The following WTIP variants were observed in gnomAD, a reference collection of about 807,000 sequenced individuals.
WTIP encodes WT1 interacting protein.
Under a neutral mutation model 41.7 loss-of-function variants are expected in WTIP, and 23 were observed. That is an observed-to-expected ratio of 0.55 (90% CI 0.40 to 0.78). The LOEUF is 0.78. WTIP is among the 30% of genes least tolerant of loss of function. The pLI, the probability that WTIP is intolerant of heterozygous loss-of-function variation, is 0.00. For missense variants in WTIP, 619 were observed against 610.5 expected (o/e 1.01, Z -0.15); for synonymous variants, 314 against 269.9 (o/e 1.16, Z -1.60).
Position 34,493,099 on chromosome 19 carries a change from T to C in WTIP, c.832T>C (p.Phe278Leu). The C allele has an allele frequency of 1.2e-6, 2 of 1,613,882 alleles. No individual in the cohort carries two copies. The highest frequency in any genetic ancestry group is 1.7e-6 in the Non-Finnish European group (2 of 1,179,850). ...VGEKVYCQED[F>L]LYSGFQQTAD... ...TGAGAAAGTGTACTGCCAGGAGGAC[T>C]TCCTGGTGAGTCCAAGCTGTGCCCT... is the stretch of plus-strand genomic sequence containing the variant. Residue 278 changes from phenylalanine (F) to leucine (L), a missense_variant, in exon 3 of 8, where the codon TTC (phenylalanine) becomes CTC (leucine). This residue lies in a region of WTIP where 164 missense variants were observed against 219.1 expected (regional missense o/e 0.75). Transcript: ENST00000590071. The surrounding 1 kb of genome is among the most constrained non-coding windows in gnomAD (Gnocchi z 4.1).
chr19:34,482,024 G>C lies in WTIP; in HGVS notation c.50G>C (p.Gly17Ala). ...GACGAGGCGGCCCTACTCCTGGCCGGGCTGGCCCTGCGGGAGCTGGAGCCC... is the reference window on the plus strand; with the variant it reads ...GACGAGGCGGCCCTACTCCTGGCCGCGCTGGCCCTGCGGGAGCTGGAGCCC... ...GADEAALLLA[G>A]LALRELEPGC... Residue 17 changes from glycine (G) to alanine (A), a missense_variant, in exon 1 of 8, where the codon GGG becomes GCG. Physicochemically the swap from Gly to Ala is moderately conservative, Grantham distance 60. Transcript: ENST00000590071. 9.8e-7 allele frequency: 1 copy of C among 1,025,354 alleles called. No individual in the cohort carries two copies. The highest frequency in any genetic ancestry group is 1.2e-6 in the Non-Finnish European group (1 of 857,198). 63.5% of individuals were successfully genotyped at this position (1,025,354 alleles called of 1,614,324 possible).
At position 34,507,954 on chromosome 19, in the gene WTIP, G is replaced by C. The variant is rs1037803078; in HGVS notation, c.*7685G>C. On this transcript the variant is annotated 3_prime_UTR_variant, in exon 8 of 8. Coordinates refer to ENST00000590071, the MANE Select transcript of WTIP (RefSeq NM_001080436.2). ...TTCCCTGTCCTGACTCCACCTTGGA[G>C]CACCTTCCCTTGAGACCCACCAGGC... The C allele has an allele frequency of 1.3e-5, 2 of 152,248 alleles. No homozygotes were observed. The highest frequency in any genetic ancestry group is 4.8e-5 in the African/African-American group (2 of 41,450). 9.4% of individuals were successfully genotyped at this position (152,248 alleles called of 1,614,324 possible). A position where few individuals can be genotyped will look rare whatever the true frequency, so the allele number is the denominator to read the frequency against.
chr19:34,502,587 T>C lies in WTIP; in HGVS notation c.*2318T>C, dbSNP rs1408106619. On this transcript the variant is annotated 3_prime_UTR_variant, in exon 8 of 8. Coordinates refer to ENST00000590071, the MANE Select transcript of WTIP (RefSeq NM_001080436.2). ...AGTGTGCGCCACCAGGCCTGGCTAA[T>C]TTTTGTATTTTTAGTAGAGTCGGGG... 5.3e-5 allele frequency: 8 copies of C among 151,986 alleles called. No homozygotes were observed. Among genetic ancestry groups the C allele is most frequent in the African/African-American group, 1.9e-4 (8 of 41,362 alleles). The allele number at this position is 151,986 out of a possible 1,614,324, so 9.4% of individuals were successfully genotyped here. A position where few individuals can be genotyped will look rare whatever the true frequency, so the allele number is the denominator to read the frequency against.
chr19:34,490,678 C>G (rs187980689), intron 2 of WTIP, among the ~76,000 whole-genome samples: 2 of 152,222 alleles, frequency 1.3e-5, no homozygotes, highest in African/African-American at 2.4e-5. Flanking sequence ...GGGCTGCCCC[C>G]TGGTCGTCAG....
At position 34,493,332 on chromosome 19, in the gene WTIP, C is replaced by T. The variant is rs770741539; in HGVS notation, c.900+7C>T. ...ACATCTCATCATGGAAATGGTGAGCCCCTGCCCCAGCCTCCTGGAGCCCCT... is the reference window on the plus strand; with the variant it reads ...ACATCTCATCATGGAAATGGTGAGCTCCTGCCCCAGCCTCCTGGAGCCCCT... On this transcript the variant is annotated splice_region_variant and intron_variant, in intron 4 of 7. Coordinates refer to ENST00000590071, the MANE Select transcript of WTIP (RefSeq NM_001080436.2). The surrounding 1 kb of genome is among the most constrained non-coding windows in gnomAD (Gnocchi z 4.1). The T allele has an allele frequency of 1.9e-6, 3 of 1,611,862 alleles. No homozygotes were observed. The highest frequency in any genetic ancestry group is 2.5e-6 in the Non-Finnish European group (3 of 1,179,222).
chr19:34,500,162 C>G lies in WTIP; in HGVS notation c.1186C>G (p.Arg396Gly). The change falls in exon 8 of 8, where the codon CGC (arginine) becomes GGC (glycine). Residue 396 changes from arginine (R) to glycine (G), a missense_variant. Physicochemically the swap from Arg to Gly is moderately radical, Grantham distance 125. Coordinates refer to ENST00000590071, the MANE Select transcript of WTIP (RefSeq NM_001080436.2). ...CGLQLSGEEG[R>G]RCYPLAGHLL... ...GCTGCAGCTGAGCGGGGAGGAGGGA[C>G]GCCGTTGCTATCCCCTGGCGGGCCA... 1 of 1,601,508 alleles carries G rather than the reference C, an allele frequency of 6.2e-7. No individual in the cohort carries two copies. The highest frequency in any genetic ancestry group is 8.5e-7 in the Non-Finnish European group (1 of 1,179,752).
rs2075917452 is a variant in WTIP at position 34,507,520 on chromosome 19, C to T, written c.*7251C>T. On this transcript the variant is annotated 3_prime_UTR_variant, in exon 8 of 8. Transcript: ENST00000590071. Reference sequence around the variant, plus strand: ...CCTGAGGGTCTGCCCGGTCACATCCCCTTGTCTTCTCTAGGGTTCACGGGG... The same window carrying T: ...CCTGAGGGTCTGCCCGGTCACATCCTCTTGTCTTCTCTAGGGTTCACGGGG... 1 of 152,112 alleles carries T rather than the reference C, an allele frequency of 6.6e-6. No individual in the cohort carries two copies. The highest frequency in any genetic ancestry group is 1.5e-5 in the Non-Finnish European group (1 of 68,042). The allele number at this position is 152,112 out of a possible 1,614,324, so 9.4% of individuals were successfully genotyped here.
intron 2 of WTIP, among the ~76,000 whole-genome samples, chr19:34,492,595 AG>A (rs1323030665): frequency 6.6e-6 from 1 of 151,234 alleles, no homozygotes; most frequent in Non-Finnish European, 1.5e-5. Flanking sequence ...AGGGTGAGGC[AG>A]GAGAATCGCT....
chr19:34,500,440 C>A lies in WTIP; in HGVS notation c.*171C>A. On this transcript the variant is annotated 3_prime_UTR_variant, in exon 8 of 8. Coordinates refer to ENST00000590071, the MANE Select transcript of WTIP (RefSeq NM_001080436.2). The stretch of plus-strand genomic sequence containing the variant: ...AGCTTCTATTTATTCACCGTCTGTG[C>A]CTGCTCAAGTCACTTCCCTGCGGGC... 2 of 972,570 alleles carry A rather than the reference C, an allele frequency of 2.1e-6. No individual in the cohort carries two copies. Among genetic ancestry groups the A allele is most frequent in the Middle Eastern group, 3.4e-4 (1 of 2,944 alleles). 60.2% of individuals were successfully genotyped at this position (972,570 alleles called of 1,614,324 possible). A position where few individuals can be genotyped will look rare whatever the true frequency, so the allele number is the denominator to read the frequency against.
At position 34,482,628 on chromosome 19, in the gene WTIP, G is replaced by T. The variant is rs549039117; in HGVS notation, c.654G>T (p.Ala218=). The change falls in exon 1 of 8, where the codon GCG becomes GCT. Residue 218 remains alanine, a synonymous_variant. Transcript: ENST00000590071. ...AGCGGGCGCTCGAGGCGCGCACGGC[G>T]CGGGACTACTTCGGTGAGCTCGCTC... ...ELERALEART[A]RDYFGICIKC... 17 of 1,229,308 alleles carry T rather than the reference G, an allele frequency of 1.4e-5. No homozygotes were observed. In the South Asian group the frequency reaches 6.5e-4, roughly 47 times the overall value. The allele number at this position is 1,229,308 out of a possible 1,614,324, so 76.2% of individuals were successfully genotyped here.
chr19:34,500,257 C>A lies in WTIP; in HGVS notation c.1281C>A (p.Val427=), dbSNP rs548503172. 5 of 1,608,064 alleles carry A rather than the reference C, an allele frequency of 3.1e-6. No individual in the cohort carries two copies. Among genetic ancestry groups the A allele is most frequent in the Non-Finnish European group, 4.2e-6 (5 of 1,179,202 alleles). The change falls in exon 8 of 8, where the codon GTC becomes GTA. Residue 427 remains valine, a synonymous_variant. Transcript: ENST00000590071. ...CTCTTCCCTCACCCACTGTGCACGT[C>A]ACTGAGCTCTGAGCAGGGGAAAACC... is the stretch of plus-strand genomic sequence containing the variant. ...PGPLPSPTVH[V]TEL
intron 2 of WTIP, 109 bp downstream of exon 2, chr19:34,490,586 C>CAGA: frequency 8.7e-7 from 1 of 1,143,692 alleles, no homozygotes; most frequent in South Asian, 1.4e-5. Context: ...CCACCTGGCT[C>CAGA]TGGCCCAGGC....
chr19:34,497,326 T>C (rs1425641198), intron 7 of WTIP, among the ~76,000 whole-genome samples: 2 of 152,148 alleles, frequency 1.3e-5, no homozygotes, highest in Non-Finnish European at 2.9e-5. Context: ...TGAGAGATGA[T>C]GGGCCTCCCT....
Position 34,493,492 on chromosome 19 carries a change from A to G in WTIP, c.901A>G (p.Ile301Val). Residue 301 changes from isoleucine (I) to valine (V), a missense_variant and splice_region_variant, in exon 5 of 8, where the codon ATC becomes GTC. Physicochemically the swap from Ile to Val is conservative, Grantham distance 29. Around this residue, in one of 3 missense-constraint regions of WTIP, gnomAD observed 164 missense variants for 219.1 expected, o/e 0.75. Transcript: ENST00000590071. The surrounding 1 kb of genome is among the most constrained non-coding windows in gnomAD (Gnocchi z 4.1). ...ACCCCTCAGTGTGCCCCGCCCACAG[A>G]TCCTGCAGGCCCTGGGCAAGTCCTA... ...SVCGHLIMEM[I>V]LQALGKSYHP... The G allele has an allele frequency of 1.9e-6, 3 of 1,613,396 alleles. No individual in the cohort carries two copies. The highest frequency in any genetic ancestry group is 2.5e-6 in the Non-Finnish European group (3 of 1,179,838).
chr19:34,502,254 CTTTT>C lies in WTIP; in HGVS notation c.*2001_*2004del, dbSNP rs35441081. 13 of 110,086 alleles carry C rather than the reference CTTTT, an allele frequency of 1.2e-4. No individual in the cohort carries two copies. Among genetic ancestry groups the C allele is most frequent in the Non-Finnish European group, 1.1e-4 (6 of 56,366 alleles). The allele number at this position is 110,086 out of a possible 1,614,324, so 6.8% of individuals were successfully genotyped here. ...TACAGGTGTGTACCACTGTGCCCGG[CTTTT>C]TTTTTTTTTTTTTTTGAGACAGGGT... On this transcript the variant is annotated 3_prime_UTR_variant, in exon 8 of 8. Transcript: ENST00000590071.
chr19:34,494,778 A>G, intron 6 of WTIP, 141 bp downstream of exon 6: 1 of 855,576 alleles, frequency 1.2e-6, no homozygotes, highest in Non-Finnish European at 1.8e-6. Flanking sequence ...GGGCTGAGGG[A>G]TGTGTGTTGT....
In WTIP at chr19:34,482,452, C is replaced by G; in HGVS notation, c.478C>G (p.Leu160Val). ...RGSAGAYADF[L>V]PPGACPAPAR... ...CTCGGCCGGCGCCTACGCTGACTTC[C>G]TCCCGCCCGGCGCCTGCCCCGCGCC... The change falls in exon 1 of 8, where the codon CTC (leucine) becomes GTC (valine). Residue 160 changes from leucine to valine, a missense_variant. By Grantham distance (32) the Leu-to-Val change is conservative. Coordinates refer to ENST00000590071, the MANE Select transcript of WTIP (RefSeq NM_001080436.2). The G allele has an allele frequency of 1.5e-6, 2 of 1,293,074 alleles. No homozygotes were observed. The highest frequency in any genetic ancestry group is 2.1e-5 in the South Asian group (1 of 47,396). The allele number at this position is 1,293,074 out of a possible 1,614,324, so 80.1% of individuals were successfully genotyped here.
chr19:34,506,946 G>A lies in WTIP; in HGVS notation c.*6677G>A, dbSNP rs2075914270. 1 of 152,050 alleles carries A rather than the reference G, an allele frequency of 6.6e-6. No individual in the cohort carries two copies. The highest frequency in any genetic ancestry group is 6.6e-5 in the Admixed American group (1 of 15,260). The allele number at this position is 152,050 out of a possible 1,614,324, so 9.4% of individuals were successfully genotyped here. A position where few individuals can be genotyped will look rare whatever the true frequency, so the allele number is the denominator to read the frequency against. ...TAATAATTGTGTTCAGCCTGGCCGGGCGCGGTGGCTCACGCCTGTAATCCC... is the reference window on the plus strand; with the variant it reads ...TAATAATTGTGTTCAGCCTGGCCGGACGCGGTGGCTCACGCCTGTAATCCC... On this transcript the variant is annotated 3_prime_UTR_variant, in exon 8 of 8. Coordinates refer to ENST00000590071, the MANE Select transcript of WTIP (RefSeq NM_001080436.2).
rs1308889099 is a variant in WTIP at position 34,501,224 on chromosome 19, T to C, written c.*955T>C. 6.6e-6 allele frequency: 1 copy of C among 152,628 alleles called. No homozygotes were observed. The highest frequency in any genetic ancestry group is 1.5e-5 in the Non-Finnish European group (1 of 68,042). 9.5% of individuals were successfully genotyped at this position (152,628 alleles called of 1,614,324 possible). ...AAGCAAATGCCGGCAAACTCACAAGTGTCTAGTTTGTCTGTTACGGAGCTG... is the reference window on the plus strand; with the variant it reads ...AAGCAAATGCCGGCAAACTCACAAGCGTCTAGTTTGTCTGTTACGGAGCTG... On this transcript the variant is annotated 3_prime_UTR_variant, in exon 8 of 8. Coordinates refer to ENST00000590071, the MANE Select transcript of WTIP (RefSeq NM_001080436.2).
Sources: allele counts gnomAD v4.1 joint callset (sites outside exome capture counted in the v4.1 genomes callset), GRCh38; gene constraint gnomAD v4.1.1; regional missense constraint gnomAD v4.1.1; non-coding constraint Gnocchi (gnomAD v3.1); transcripts MANE v1.5; gene names NCBI Gene and HGNC (gene_info 2026-07-23, HGNC 2026-07-21).